The following MACROD2 variants were observed in gnomAD, a reference collection of about 807,000 sequenced individuals.
MACROD2 encodes ADP-ribose glycohydrolase MACROD2.
MACROD2 carries 36 observed loss-of-function variants against 70.4 expected under a neutral mutation model. The observed-to-expected ratio is 0.51, with a 90% CI of 0.39 to 0.68. The LOEUF (loss-of-function observed/expected upper bound fraction) is 0.68, where lower values mean the gene tolerates loss of function less well. Ranked by LOEUF, MACROD2 falls within the 30% of genes least tolerant of loss-of-function variation. The pLI is 0.00. For missense variants in MACROD2, 496 were observed against 538.4 expected, an observed-to-expected ratio of 0.92 and a Z score of 0.78; for synonymous variants, 172 against 178.8, an observed-to-expected ratio of 0.96 and a Z score of 0.30.
At chr20:15,706,203 A>G (rs2050529897) in intron 8 of MACROD2, among the ~76,000 whole-genome samples, 1 of 152,194 alleles carries the variant, frequency 6.6e-6, no homozygotes. Flanking sequence ...AGCTTGCTGG[A>G]GTTGCTAGAA....
At chr20:14,880,914 G>A (rs1266945302) in intron 5 of MACROD2, among the ~76,000 whole-genome samples, 1 of 152,108 alleles carries the variant, frequency 6.6e-6, no homozygotes, top group East Asian at 1.9e-4. Context: ...CCCAGCGTGG[G>A]CAGCTGCAAT....
At chr20:14,418,657 G>T (rs1299239992) in intron 3 of MACROD2, among the ~76,000 whole-genome samples, 1 of 152,162 alleles carries the variant, frequency 6.6e-6, no homozygotes, top group Non-Finnish European at 1.5e-5. Context: ...ATTCTTATTT[G>T]TAGGCAGCTC....
chr20:16,042,318 G>A (rs2067317963), intron 16 of MACROD2, among the ~76,000 whole-genome samples: 1 of 152,012 alleles, frequency 6.6e-6, no homozygotes, highest in African/African-American at 2.4e-5. Context: ...GTTATGAGCA[G>A]TTGAACTAAA....
At chr20:15,543,588 T>TC (rs2047987188) in intron 8 of MACROD2, among the ~76,000 whole-genome samples, 1 of 148,600 alleles carries the variant, frequency 6.7e-6, no homozygotes, top group Non-Finnish European at 1.5e-5. Context: ...AGCAATGAGG[T>TC]AAACCTCCTC....
At chr20:15,059,296 A>C (rs1302546500) in intron 5 of MACROD2, among the ~76,000 whole-genome samples, 1 of 152,136 alleles carries the variant, frequency 6.6e-6, no homozygotes, top group East Asian at 1.9e-4. Context: ...GAGGCATGAG[A>C]ATAGCTTGAG....
intron 5 of MACROD2, among the ~76,000 whole-genome samples, chr20:14,758,730 C>T (rs991954467): frequency 3.9e-5 from 6 of 152,058 alleles, no homozygotes; most frequent in African/African-American, 1.5e-4. Context: ...ATTGGAATTA[C>T]TCTAAGAATA....
At chr20:14,464,395 T>A (rs1458089851) in intron 3 of MACROD2, among the ~76,000 whole-genome samples, 1 of 152,126 alleles carries the variant, frequency 6.6e-6, no homozygotes, top group Non-Finnish European at 1.5e-5. Flanking sequence ...CTTTGTCATT[T>A]TTTATTGCAT....
intron 7 of MACROD2, among the ~76,000 whole-genome samples, chr20:15,437,223 C>T (rs2046438448): frequency 6.6e-6 from 1 of 152,118 alleles, no homozygotes; most frequent in South Asian, 2.1e-4. Flanking sequence ...CAACATTTCT[C>T]TGGACTATGT....
chr20:15,621,006 T>G (rs2049117064), intron 8 of MACROD2, among the ~76,000 whole-genome samples: 1 of 152,028 alleles, frequency 6.6e-6, no homozygotes, highest in Non-Finnish European at 1.5e-5. Flanking sequence ...CGGTGATAAC[T>G]GGGGGCCTGG....
chr20:15,551,357 A>C (rs536076953), intron 8 of MACROD2, among the ~76,000 whole-genome samples: 101 of 149,860 alleles, frequency 6.7e-4, no homozygotes, highest in African/African-American at 2.4e-3. Flanking sequence ...AAAAAACTAC[A>C]TCTCTTGTCT....
At chr20:15,851,342 G>C (rs2064296002) in intron 8 of MACROD2, among the ~76,000 whole-genome samples, 1 of 151,860 alleles carries the variant, frequency 6.6e-6, no homozygotes, top group Non-Finnish European at 1.5e-5. Context: ...AGACTGGGTG[G>C]CTTAAATAAC....
At position 15,127,341 on chromosome 20, in the gene MACROD2, A is replaced by G. The variant is rs186667718; in HGVS notation, c.419-102599A>G. ...TAATAAGAAAAACATTATCTAAAAC[A>G]TATTCTAGAGAGCAAATTGCATTAG... On this transcript the variant is annotated intron_variant, in intron 5 of 17. Coordinates refer to ENST00000684519, the MANE Select transcript of MACROD2 (RefSeq NM_001351661.2). 1.7e-4 allele frequency among the ~76,000 whole-genome samples: 26 copies of G among 152,196 alleles called. 1 individual carries two copies. The East Asian group carries it at 4.4e-3, about 26-fold the overall frequency.
intron 4 of MACROD2, among the ~76,000 whole-genome samples, chr20:14,597,479 A>T (rs1383633971): frequency 6.6e-6 from 1 of 152,178 alleles, no homozygotes; most frequent in Non-Finnish European, 1.5e-5. Flanking sequence ...TGTGCAAAAT[A>T]TCAAGAAACT....
intron 5 of MACROD2, among the ~76,000 whole-genome samples, chr20:14,801,656 C>G (rs1229468490): frequency 6.6e-6 from 1 of 152,006 alleles, no homozygotes. Flanking sequence ...TGTATGCTCA[C>G]CAGTAACCTA....
chr20:15,934,399 T>A (rs1415991430), intron 11 of MACROD2, among the ~76,000 whole-genome samples: 1 of 152,210 alleles, frequency 6.6e-6, no homozygotes, highest in Non-Finnish European at 1.5e-5. Flanking sequence ...AAGGACTTTG[T>A]GTACCTGTGA....
chr20:15,268,560 A>T (rs866038808), intron 6 of MACROD2, among the ~76,000 whole-genome samples: 1 of 152,196 alleles, frequency 6.6e-6, no homozygotes, highest in South Asian at 2.1e-4. Flanking sequence ...AGGCTGAGGC[A>T]GAGGATTGCT....
intron 5 of MACROD2, among the ~76,000 whole-genome samples, chr20:15,044,114 T>C (rs1012432756): frequency 2.6e-5 from 4 of 151,954 alleles, no homozygotes; most frequent in Non-Finnish European, 5.9e-5. Flanking sequence ...TCCATGGAGG[T>C]TGGAAGGTGG....
At chr20:15,803,761 C>A (rs2063745978) in intron 8 of MACROD2, among the ~76,000 whole-genome samples, 1 of 152,144 alleles carries the variant, frequency 6.6e-6, no homozygotes, top group Admixed American at 6.5e-5. Context: ...GTAGACCAGG[C>A]TTTTCCATCC....
intron 5 of MACROD2, among the ~76,000 whole-genome samples, chr20:15,195,911 C>T (rs531168102): frequency 5.5e-4 from 84 of 152,144 alleles, no homozygotes; most frequent in African/African-American, 1.5e-3. Context: ...TAAAAAGGAA[C>T]GAGATCTTGT....
Sources: gnomAD v4.1 joint callset for allele counts (sites outside exome capture counted in the v4.1 genomes callset) on GRCh38, gnomAD v4.1.1 for gene constraint, MANE v1.5 for transcripts, NCBI Gene and HGNC (gene_info 2026-07-23, HGNC 2026-07-21) for gene names.